Variants in HELQ observed in about 807,000 individuals in gnomAD.
HELQ encodes the protein helicase, POLQ like, also known as helicase POLQ-like.
Under a neutral mutation model 111.6 loss-of-function variants are expected in HELQ, and 77 were observed. The ratio of observed to expected loss-of-function variants is 0.69; its 90% CI spans 0.57 to 0.83. The LOEUF is 0.83. HELQ is among the 40% of genes least tolerant of loss of function. HELQ has a pLI of 0.00. For missense variants in HELQ, 1,200 were observed against 1,288.5 expected, an observed-to-expected ratio of 0.93 and a Z score of 1.05; for synonymous variants, 438 against 454.7, an observed-to-expected ratio of 0.96 and a Z score of 0.47.
At chr4:83,451,675 A>ACC (rs1553933438) in intron 2 of HELQ, among the ~76,000 whole-genome samples, 2 of 151,774 alleles carry the variant, frequency 1.3e-5, no homozygotes, top group Admixed American at 6.6e-5. Flanking sequence ...AAAAAAAACA[A>ACC]AAAAACAAAA....
intron 17 of HELQ, among the ~76,000 whole-genome samples, chr4:83,413,756 C>T (rs1578063831): frequency 6.6e-6 from 1 of 152,274 alleles, no homozygotes; most frequent in Non-Finnish European, 1.5e-5. Context: ...CCTCTCAAAA[C>T]CTAGTTTCTA....
chr4:83,451,762 T>C (rs553519944), intron 2 of HELQ, among the ~76,000 whole-genome samples: 1 of 152,012 alleles, frequency 6.6e-6, no homozygotes, highest in African/African-American at 2.4e-5. Context: ...AAAAGCAAGG[T>C]GCTAGCAGAA....
Position 83,455,661 on chromosome 4 carries a change from C to A in HELQ, c.33G>T (p.Arg11=), listed in dbSNP as rs182526864. MDECGSRIRR[R]VSLPKRNRPS... Reference sequence around the variant, plus strand: ...GACGGTTCCTTTTGGGGAGAGACACCCGCCGGCGGATGCGGGAACCACATT... The same window carrying A: ...GACGGTTCCTTTTGGGGAGAGACACACGCCGGCGGATGCGGGAACCACATT... The change falls in exon 1 of 18, where the codon CGG becomes CGT. Residue 11 remains arginine, a synonymous_variant. Coordinates refer to ENST00000295488, the MANE Select transcript of HELQ (RefSeq NM_133636.5). The A allele has an allele frequency of 5.0e-5, 80 of 1,611,728 alleles. No individual in the cohort carries two copies. The African/African-American group carries it at 7.9e-4, about 16-fold the overall frequency.
At chr4:83,418,841 G>T (rs1250535726) in intron 15 of HELQ, among the ~76,000 whole-genome samples, 1 of 152,170 alleles carries the variant, frequency 6.6e-6, no homozygotes, top group Non-Finnish European at 1.5e-5. Context: ...AATGAAGATG[G>T]CAGAGTAAAA....
At chr4:83,447,130 T>C in intron 3 of HELQ, 95 bp from the exon 4 acceptor site, 1 of 799,370 alleles carries the variant, frequency 1.3e-6, no homozygotes, top group Non-Finnish European at 2.0e-6. Flanking sequence ...GGAAGATCAC[T>C]TGAGCCCAGG....
In HELQ at chr4:83,407,580, C is replaced by T. The variant is rs551755187; in HGVS notation, c.3199-20G>A. The T allele has an allele frequency of 3.5e-5, 53 of 1,532,602 alleles. No homozygotes were observed. Among genetic ancestry groups the T allele is most frequent in the Middle Eastern group, 3.4e-4 (2 of 5,878 alleles). The allele number at this position is 1,532,602 out of a possible 1,614,324, so 94.9% of individuals were successfully genotyped here. ...CAGCATCTACATTAAAAAATTAAGA[C>T]GTGAGGCCAAAATATGCATTGCTAG... On this transcript the variant is annotated intron_variant, in intron 17 of 17. Transcript: ENST00000295488.
chr4:83,442,259 A>G (rs187207933), intron 6 of HELQ, among the ~76,000 whole-genome samples: 1,512 of 101,606 alleles, frequency 0.015, 23 homozygotes, highest in African/African-American at 0.057. Flanking sequence ...TAAAAACATC[A>G]ATTTTTTTTT....
intron 17 of HELQ, among the ~76,000 whole-genome samples, chr4:83,410,347 G>T (rs1051097650): frequency 6.6e-6 from 1 of 152,170 alleles, no homozygotes; most frequent in Non-Finnish European, 1.5e-5. Context: ...CACTGAAGCA[G>T]ATTTTTTTAA....
intron 14 of HELQ, among the ~76,000 whole-genome samples, chr4:83,424,794 G>A (rs1719755307): frequency 6.6e-6 from 1 of 151,864 alleles, no homozygotes; most frequent in Admixed American, 6.6e-5. Context: ...CTGACCTCAT[G>A]GTCGCCCACC....
At chr4:83,454,630 A>G (rs147920992) in intron 1 of HELQ, among the ~76,000 whole-genome samples, 127 of 149,830 alleles carry the variant, frequency 8.5e-4, no homozygotes, top group African/African-American at 3.0e-3. Flanking sequence ...TCTGTTGCCT[A>G]GGCTGGTTTT....
chr4:83,451,334 T>C (rs1721352638), intron 2 of HELQ, among the ~76,000 whole-genome samples: 3 of 152,062 alleles, frequency 2.0e-5, no homozygotes. Flanking sequence ...GTTGAGAACC[T>C]ACCAGAGTAT....
chr4:83,420,610 C>A (rs1393952400), intron 15 of HELQ, among the ~76,000 whole-genome samples: 1 of 152,076 alleles, frequency 6.6e-6, no homozygotes, highest in Admixed American at 6.6e-5. Flanking sequence ...TATGGTGAAA[C>A]CCTATCTCTA....
chr4:83,432,265 A>C lies in HELQ; in HGVS notation c.2051T>G (p.Val684Gly). 2 of 1,545,400 alleles carry C rather than the reference A, an allele frequency of 1.3e-6. No individual in the cohort carries two copies. The highest frequency in any genetic ancestry group is 8.7e-7 in the Non-Finnish European group (1 of 1,147,762). Residue 684 changes from valine to glycine, a missense_variant and splice_region_variant, in exon 10 of 18, where the codon GTT (valine) becomes GGT (glycine). Transcript: ENST00000295488. ...AAGVNLPARR[V>G]ILRAPYVAKE... ...AGCAACATAGGGAGCTCTTAAAATAACTCTGTGGAATTAATGAAAAATGAT... is the reference window on the plus strand; with the variant it reads ...AGCAACATAGGGAGCTCTTAAAATACCTCTGTGGAATTAATGAAAAATGAT...
intron 15 of HELQ, 99 bp downstream of exon 15, chr4:83,421,464 G>T: frequency 1.2e-6 from 1 of 811,844 alleles, no homozygotes; most frequent in Non-Finnish European, 2.0e-6. Context: ...ATGTCAACAA[G>T]GAGAAAATGC....
intron 2 of HELQ, among the ~76,000 whole-genome samples, chr4:83,452,130 T>C (rs1186915339): frequency 1.3e-5 from 2 of 152,252 alleles, no homozygotes; most frequent in Admixed American, 6.5e-5. Context: ...CTTAATATTA[T>C]TGCTTCTTTG....
At chr4:83,429,140 A>G (rs1279837375) in intron 12 of HELQ, among the ~76,000 whole-genome samples, 1 of 151,992 alleles carries the variant, frequency 6.6e-6, no homozygotes, top group African/African-American at 2.4e-5. Context: ...TAAAGAAAGT[A>G]TAATTTTTTA....
chr4:83,453,549 TCA>T lies in HELQ; in HGVS notation c.692_693del (p.Val231GlufsTer2), dbSNP rs767207380. 1.9e-6 allele frequency: 3 copies of T among 1,613,692 alleles called. No homozygotes were observed. The highest frequency in any genetic ancestry group is 2.2e-5 in the East Asian group (1 of 44,870). ...ATGCAATTATGGGGCAGTTCCTCAT[TCA>T]CAGTGTTGTGAGAGGATGACTTCCA... ...RDWKSSSHNTVNEELPHNCIE... is the reference protein window; with the variant it reads ...RDWKSSSHNTXNEELPHNCIE... On this transcript the variant is annotated frameshift_variant, in exon 2 of 18. Coordinates refer to ENST00000295488, the MANE Select transcript of HELQ (RefSeq NM_133636.5). LOFTEE classifies it high-confidence loss of function.
intron 4 of HELQ, among the ~76,000 whole-genome samples, 173 bp downstream of exon 4, chr4:83,446,662 A>G (rs1721064558): frequency 6.6e-6 from 1 of 152,200 alleles, no homozygotes; most frequent in African/African-American, 2.4e-5. Context: ...ACTTGACACA[A>G]AACCAAATTT....
intron 17 of HELQ, among the ~76,000 whole-genome samples, chr4:83,411,924 T>C (rs1172401295): frequency 1.3e-5 from 2 of 152,176 alleles, no homozygotes; most frequent in Admixed American, 6.5e-5. Flanking sequence ...ATTACAGGTG[T>C]GAGCCACTAC....
Sources: gnomAD v4.1 joint callset for allele counts (sites outside exome capture counted in the v4.1 genomes callset) on GRCh38, gnomAD v4.1.1 for gene constraint, MANE v1.5 for transcripts, NCBI Gene and HGNC (gene_info 2026-07-23, HGNC 2026-07-21) for gene names.